Variants in IL1R2 observed in about 807,000 individuals in gnomAD.
IL1R2 encodes the protein interleukin 1 receptor type 2.
Under a neutral mutation model 39.5 loss-of-function variants are expected in IL1R2, and 46 were observed. That is an observed-to-expected ratio of 1.16 (90% confidence interval 0.92 to 1.49). The LOEUF (loss-of-function observed/expected upper bound fraction) is 1.49, where lower values mean the gene tolerates loss of function less well. Ranked by LOEUF, IL1R2 falls within the 40% of genes most tolerant of loss-of-function variation. IL1R2 has a pLI of 0.00. For missense variants in IL1R2, 537 were observed against 502.0 expected, an observed-to-expected ratio of 1.07 and a Z score of -0.67; for synonymous variants, 207 against 189.6, an observed-to-expected ratio of 1.09 and a Z score of -0.75.
In IL1R2 at chr2:102,022,228, A is replaced by G. The variant is rs1344059740; in HGVS notation, c.730A>G (p.Lys244Glu). The G allele has an allele frequency of 1.9e-6, 3 of 1,613,628 alleles. No individual in the cohort carries two copies. Among genetic ancestry groups the G allele is most frequent in the Non-Finnish European group, 1.7e-6 (2 of 1,179,644 alleles). ...ETIPVIISPLKTISASLGSRL... is the reference protein window; with the variant it reads ...ETIPVIISPLETISASLGSRL... Reference sequence around the variant, plus strand: ...CATTCCTGTGATCATTTCCCCCCTCAAGACCATATCAGCTTCTCTGGGTAA... The same window carrying G: ...CATTCCTGTGATCATTTCCCCCCTCGAGACCATATCAGCTTCTCTGGGTAA... Residue 244 changes from lysine (K) to glutamate (E), a missense_variant, in exon 6 of 9, where the codon AAG becomes GAG. Physicochemically the swap from Lys to Glu is moderately conservative, Grantham distance 56. Coordinates refer to ENST00000332549, the MANE Select transcript of IL1R2 (RefSeq NM_004633.4).
chr2:101,993,640 G>C (rs372979197), intron 1 of IL1R2, among the ~76,000 whole-genome samples: 26 of 151,920 alleles, frequency 1.7e-4, no homozygotes, highest in African/African-American at 6.3e-4. Context: ...CTATGTCTCT[G>C]TTTCTCCCTA....
intron 1 of IL1R2, among the ~76,000 whole-genome samples, chr2:101,997,399 G>C (rs986342904): frequency 2.0e-5 from 3 of 152,192 alleles, no homozygotes; most frequent in African/African-American, 7.2e-5. Flanking sequence ...CAGAAAAGAT[G>C]CTACAGCACC....
intron 4 of IL1R2, chr2:102,016,298 C>T (rs1477100791): frequency 1.2e-5 from 4 of 336,574 alleles, no homozygotes; most frequent in Admixed American, 4.4e-5. Context: ...AAGAAACCAA[C>T]ACAGTGCATC....
At chr2:102,018,999 G>A (rs1451329183) in intron 4 of IL1R2, among the ~76,000 whole-genome samples, 1 of 152,148 alleles carries the variant, frequency 6.6e-6, no homozygotes, top group Non-Finnish European at 1.5e-5. Flanking sequence ...GATTTTGAAA[G>A]TGATGTCCCT....
chr2:101,994,310 G>C (rs549724860), intron 1 of IL1R2, among the ~76,000 whole-genome samples: 1 of 152,078 alleles, frequency 6.6e-6, no homozygotes, highest in South Asian at 2.1e-4. Flanking sequence ...GAACATCCAC[G>C]GACCCCGAGC....
At position 102,022,193 on chromosome 2, in the gene IL1R2, A is replaced by G; in HGVS notation, c.695A>G (p.Lys232Arg). The G allele has an allele frequency of 6.2e-7, 1 of 1,613,320 alleles. No individual in the cohort carries two copies. Among genetic ancestry groups the G allele is most frequent in the Non-Finnish European group, 8.5e-7 (1 of 1,179,252 alleles). Reference sequence around the variant, plus strand: ...TTCCTTACATCTTTCTCAGAAAAAAAAGAAGAGACCATTCCTGTGATCATT... The same window carrying G: ...TTCCTTACATCTTTCTCAGAAAAAAGAGAAGAGACCATTCCTGTGATCATT... ...RSIELRIKKK[K>R]EETIPVIISP... The change falls in exon 6 of 9, where the codon AAA becomes AGA. Residue 232 changes from lysine (K) to arginine (R), a missense_variant. Transcript: ENST00000332549.
chr2:102,005,383 T>C (rs192459571), intron 1 of IL1R2, among the ~76,000 whole-genome samples: 1 of 152,322 alleles, frequency 6.6e-6, no homozygotes, highest in Non-Finnish European at 1.5e-5. Context: ...TGACAGTACC[T>C]GGCAGGGCTC....
At chr2:102,021,101 G>A (rs1165370407) in intron 5 of IL1R2, among the ~76,000 whole-genome samples, 1 of 152,144 alleles carries the variant, frequency 6.6e-6, no homozygotes, top group Non-Finnish European at 1.5e-5. Flanking sequence ...GGGAGGAAAA[G>A]GCGTCTGGCC....
chr2:102,022,328 G>A (rs1677455568), intron 6 of IL1R2, 79 bp downstream of exon 6: 6 of 1,212,978 alleles, frequency 4.9e-6, no homozygotes, highest in Middle Eastern at 3.8e-4. Context: ...TGGGACCCTT[G>A]CGTCTGCTGA....
At chr2:102,018,600 G>T (rs3218935) in intron 4 of IL1R2, among the ~76,000 whole-genome samples, 5 of 152,116 alleles carry the variant, frequency 3.3e-5, no homozygotes, top group Non-Finnish European at 1.5e-5. Context: ...CTATTACTGC[G>T]CATGTACTAT....
At chr2:102,016,220 C>T in intron 4 of IL1R2, 169 bp downstream of exon 4, 1 of 538,122 alleles carries the variant, frequency 1.9e-6, no homozygotes, top group South Asian at 2.8e-5. Context: ...TGGGATTCAA[C>T]CAACCTGGGA....
chr2:102,027,424 C>A (rs868748791), intron 8 of IL1R2, among the ~76,000 whole-genome samples: 14 of 152,306 alleles, frequency 9.2e-5, no homozygotes, highest in African/African-American at 3.4e-4. Flanking sequence ...CTTGTCCCTG[C>A]ATGTGGCTGG....
At chr2:102,011,109 T>C (rs1676602698) in intron 3 of IL1R2, among the ~76,000 whole-genome samples, 1 of 152,238 alleles carries the variant, frequency 6.6e-6, no homozygotes, top group Non-Finnish European at 1.5e-5. Flanking sequence ...TTCCGTTTTA[T>C]GTATGTACCA....
rs1676965083 is a variant in IL1R2, at chr2:102,015,902, G to A, written c.364G>A (p.Glu122Lys). The change falls in exon 4 of 9, where the codon GAG (glutamate) becomes AAG (lysine). Residue 122 changes from glutamate (E) to lysine (K), a missense_variant. Coordinates refer to ENST00000332549, the MANE Select transcript of IL1R2 (RefSeq NM_004633.4). ...TTCTTACTGTGACAAAATGTCCATTGAGCTCAGAGTTTTTGAGAATACAGA... is the reference window on the plus strand; with the variant it reads ...TTCTTACTGTGACAAAATGTCCATTAAGCTCAGAGTTTTTGAGAATACAGA... The part of the protein sequence containing the change: ...NASYCDKMSI[E>K]LRVFENTDAF... 6.2e-7 allele frequency: 1 copy of A among 1,613,442 alleles called. No individual in the cohort carries two copies. The highest frequency in any genetic ancestry group is 8.5e-7 in the Non-Finnish European group (1 of 1,179,802).
intron 4 of IL1R2, among the ~76,000 whole-genome samples, chr2:102,017,289 C>T (rs775465138): frequency 1.3e-5 from 2 of 150,450 alleles, no homozygotes; most frequent in East Asian, 2.0e-4. Flanking sequence ...CCTGGTGACT[C>T]GGGAGGCTGA....
chr2:102,010,161 G>A (rs1676532726), intron 3 of IL1R2: 3 of 292,682 alleles, frequency 1.0e-5, no homozygotes, highest in South Asian at 9.1e-5. Context: ...TGTATTTAAT[G>A]TTTGTCTACC....
rs1212654339 is a variant in IL1R2, at chr2:102,015,924, C to T, written c.386C>T (p.Thr129Ile). 2 of 1,613,830 alleles carry T rather than the reference C, an allele frequency of 1.2e-6. No homozygotes were observed. Among genetic ancestry groups the T allele is most frequent in the South Asian group, 2.2e-5 (2 of 91,070 alleles). Residue 129 changes from threonine to isoleucine, a missense_variant, in exon 4 of 9, where the codon ACA (threonine) becomes ATA (isoleucine). By Grantham distance (89) the Thr-to-Ile change is moderately conservative (BLOSUM62 -1). Transcript: ENST00000332549. ...ATTGAGCTCAGAGTTTTTGAGAATA[C>T]AGATGCTTTCCTGCCGTTCATCTCA... ...MSIELRVFEN[T>I]DAFLPFISYP... is the part of the protein sequence containing the mutation.
intron 7 of IL1R2, 196 bp downstream of exon 7, chr2:102,024,864 A>G (rs1677638786): frequency 1.6e-6 from 1 of 628,648 alleles, no homozygotes; most frequent in Non-Finnish European, 2.5e-6. Context: ...AATACTTAAA[A>G]GTTGAGTTGC....
At chr2:102,005,733 G>T (rs1343452067) in intron 1 of IL1R2, among the ~76,000 whole-genome samples, 1 of 152,210 alleles carries the variant, frequency 6.6e-6, no homozygotes, top group African/African-American at 2.4e-5. Context: ...TGTTGCAAGG[G>T]ATATGATGGG....
Sources: allele counts gnomAD v4.1 joint callset (sites outside exome capture counted in the v4.1 genomes callset), GRCh38; gene constraint gnomAD v4.1.1; transcripts MANE v1.5; gene names NCBI Gene and HGNC (gene_info 2026-07-23, HGNC 2026-07-21).